Variants in PTPN9 observed in about 807,000 individuals in gnomAD.
PTPN9 encodes tyrosine-protein phosphatase non-receptor type 9.
In PTPN9, 26 loss-of-function variants were observed where a neutral mutation model predicts 69.8. The ratio of observed to expected loss-of-function variants is 0.37; its 90% CI spans 0.27 to 0.52. The LOEUF is 0.52. Ranked by LOEUF, PTPN9 falls within the 20% of genes least tolerant of loss-of-function variation. The pLI is 0.91. For synonymous variants in PTPN9, 274 were observed against 272.5 expected (o/e 1.01, Z -0.05); for missense variants, 549 against 740.3 (o/e 0.74, Z 3.00).
chr15:75,497,466 C>T (rs2074749072), intron 7 of PTPN9, among the ~76,000 whole-genome samples: 1 of 152,056 alleles, frequency 6.6e-6, no homozygotes, highest in Non-Finnish European at 1.5e-5. Flanking sequence ...CACCTGCACT[C>T]CAACCTATGC....
At chr15:75,506,251 A>G (rs917645502) in intron 6 of PTPN9, among the ~76,000 whole-genome samples, 5 of 152,198 alleles carry the variant, frequency 3.3e-5, no homozygotes, top group African/African-American at 1.2e-4. Context: ...GGACACTGTT[A>G]TACATCTTCT....
chr15:75,501,335 G>C (rs963916447), intron 7 of PTPN9, among the ~76,000 whole-genome samples: 1 of 151,932 alleles, frequency 6.6e-6, no homozygotes, highest in South Asian at 2.1e-4. Context: ...CCAAAGTGCT[G>C]AGAAGGGAAA....
At chr15:75,574,672 G>A (rs1023619065) in intron 1 of PTPN9, among the ~76,000 whole-genome samples, 99 of 151,964 alleles carry the variant, frequency 6.5e-4, no homozygotes, top group African/African-American at 2.3e-3. Context: ...CAGGCGCGGT[G>A]GCTCACGCCT....
At chr15:75,548,714 C>T (rs568368305) in intron 1 of PTPN9, among the ~76,000 whole-genome samples, 3 of 130,322 alleles carry the variant, frequency 2.3e-5, no homozygotes, top group African/African-American at 6.0e-5. Flanking sequence ...AGTGCAGGGG[C>T]GCGATCTTGG....
At chr15:75,535,568 G>A (rs76126845) in intron 1 of PTPN9, among the ~76,000 whole-genome samples, 1 of 152,172 alleles carries the variant, frequency 6.6e-6, no homozygotes, top group Admixed American at 6.5e-5. Flanking sequence ...AATGCAGTCA[G>A]TCATCCTGCA....
rs1220441010 is a variant in PTPN9, at chr15:75,480,767, G to A, written c.1063-853C>T. 137 of 1,181,570 alleles carry A rather than the reference G, an allele frequency of 1.2e-4. 1 individual carries two copies. The East Asian group carries it at 4.2e-3, about 36-fold the overall frequency. 73.2% of individuals were successfully genotyped at this position (1,181,570 alleles called of 1,614,324 possible). A position where few individuals can be genotyped will look rare whatever the true frequency, so the allele number is the denominator to read the frequency against. On this transcript the variant is annotated intron_variant, in intron 8 of 12. Coordinates refer to ENST00000618819, the MANE Select transcript of PTPN9 (RefSeq NM_002833.4). Reference sequence around the variant, plus strand: ...CTGTCTCAGTCTTTGCCGCCGCGCCGGCGAGCGCCGCCCGCGAGGCAGCGG... The same window carrying A: ...CTGTCTCAGTCTTTGCCGCCGCGCCAGCGAGCGCCGCCCGCGAGGCAGCGG...
intron 7 of PTPN9, among the ~76,000 whole-genome samples, chr15:75,497,033 T>C (rs1372115427): frequency 3.9e-5 from 6 of 152,200 alleles, no homozygotes; most frequent in Non-Finnish European, 7.4e-5. Context: ...AATAATACTC[T>C]ATATTGTTCA....
intron 1 of PTPN9, among the ~76,000 whole-genome samples, chr15:75,546,375 G>C (rs1411065947): frequency 6.6e-6 from 1 of 152,190 alleles, no homozygotes; most frequent in African/African-American, 2.4e-5. Flanking sequence ...CAGGCGCAGT[G>C]CCTCACGCCT....
rs2074537801 is a variant in PTPN9, at chr15:75,466,664, G to C, written c.*2105C>G. ...GAACTTTTTTTACTCTGAAAGGAGA[G>C]CTAAACAAACCTCTGTTCTCCAAAC... On this transcript the variant is annotated 3_prime_UTR_variant, in exon 13 of 13. Coordinates refer to ENST00000618819, the MANE Select transcript of PTPN9 (RefSeq NM_002833.4). The C allele has an allele frequency of 6.6e-6, 1 of 152,186 alleles. No homozygotes were observed. Among genetic ancestry groups the C allele is most frequent in the African/African-American group, 2.4e-5 (1 of 41,434 alleles). 9.4% of individuals were successfully genotyped at this position (152,186 alleles called of 1,614,324 possible).
chr15:75,558,680 C>T (rs2075088428), intron 1 of PTPN9, among the ~76,000 whole-genome samples: 1 of 152,008 alleles, frequency 6.6e-6, no homozygotes, highest in Admixed American at 6.5e-5. Context: ...AGGCGCGCGC[C>T]GCCACACCTG....
At chr15:75,486,112 A>C (rs200134805) in intron 8 of PTPN9, among the ~76,000 whole-genome samples, 104 of 151,258 alleles carry the variant, frequency 6.9e-4, no homozygotes, top group African/African-American at 2.1e-3. Context: ...AAAAAAAAAA[A>C]AAAACAAAAC....
chr15:75,530,825 T>G (rs1474084862), intron 1 of PTPN9, among the ~76,000 whole-genome samples: 73 of 100,536 alleles, frequency 7.3e-4, no homozygotes, highest in African/African-American at 2.8e-3. Flanking sequence ...TAATATAATA[T>G]AATATATATT....
chr15:75,523,004 C>T, intron 4 of PTPN9, 117 bp downstream of exon 4: 4 of 1,213,414 alleles, frequency 3.3e-6, no homozygotes, highest in Non-Finnish European at 4.6e-6. Context: ...CTATTCATAG[C>T]ATTGCCCAGG....
At chr15:75,560,487 T>A (rs1385682288) in intron 1 of PTPN9, among the ~76,000 whole-genome samples, 1 of 152,156 alleles carries the variant, frequency 6.6e-6, no homozygotes, top group East Asian at 1.9e-4. Context: ...ATATTACATT[T>A]AAGTCTTCAG....
At chr15:75,511,147 C>T (rs2074843537) in intron 5 of PTPN9, among the ~76,000 whole-genome samples, 1 of 152,164 alleles carries the variant, frequency 6.6e-6, no homozygotes, top group Non-Finnish European at 1.5e-5. Flanking sequence ...TCCACTTGTA[C>T]ACATTGGTTG....
intron 8 of PTPN9, chr15:75,480,710 G>A: frequency 7.6e-7 from 1 of 1,318,864 alleles, no homozygotes. Flanking sequence ...CCGCCCCACA[G>A]CCGGGAGGAT....
At chr15:75,564,255 A>C (rs1447750851) in intron 1 of PTPN9, among the ~76,000 whole-genome samples, 2 of 152,072 alleles carry the variant, frequency 1.3e-5, no homozygotes, top group African/African-American at 2.4e-5. Flanking sequence ...CTGGCCAAAA[A>C]CAATAATTTT....
intron 1 of PTPN9, among the ~76,000 whole-genome samples, chr15:75,535,245 C>T (rs1282316256): frequency 6.6e-6 from 1 of 152,148 alleles, no homozygotes; most frequent in East Asian, 1.9e-4. Context: ...ATCCACCTGC[C>T]TCGGCCTCCC....
chr15:75,561,855 A>G (rs1362365691), intron 1 of PTPN9, among the ~76,000 whole-genome samples: 1 of 152,120 alleles, frequency 6.6e-6, no homozygotes, highest in Non-Finnish European at 1.5e-5. Context: ...GATTACAGGC[A>G]TGTGCCACCA....
Sources: allele counts gnomAD v4.1 joint callset (sites outside exome capture counted in the v4.1 genomes callset), GRCh38; gene constraint gnomAD v4.1.1; transcripts MANE v1.5; gene names NCBI Gene and HGNC (gene_info 2026-07-23, HGNC 2026-07-21).